The following PRLR variants were observed in gnomAD, a reference collection of about 807,000 sequenced individuals.
PRLR encodes the protein prolactin receptor, also known as hPRL receptor.
PRLR carries 13 observed loss-of-function variants against 40.2 expected under a neutral mutation model. That is an observed-to-expected ratio of 0.32 (90% CI 0.21 to 0.51). PRLR has a LOEUF of 0.51. Ranked by LOEUF, PRLR falls within the 20% of genes least tolerant of loss-of-function variation. The pLI is 0.97. For synonymous variants in PRLR, 269 were observed against 278.7 expected (o/e 0.97, Z 0.35); for missense variants, 656 against 747.3 (o/e 0.88, Z 1.42).
intron 1 of PRLR, among the ~76,000 whole-genome samples, chr5:35,125,619 A>C (rs898771510): frequency 6.6e-6 from 1 of 152,228 alleles, no homozygotes; most frequent in Admixed American, 6.5e-5. Context: ...TAAGCATTTG[A>C]AGCCACTAAT....
At chr5:35,226,810 C>T (rs923454155) in intron 1 of PRLR, among the ~76,000 whole-genome samples, 3 of 152,124 alleles carry the variant, frequency 2.0e-5, no homozygotes, top group South Asian at 2.1e-4. Flanking sequence ...TTTGTTCACC[C>T]GACTGTTTTC....
rs148887341 is a variant in PRLR, at chr5:35,188,937, G to T, written c.-106+41331C>A. Among the ~76,000 whole-genome samples the T allele has an allele frequency of 3.3e-5, 5 of 152,146 alleles. No individual in the cohort carries two copies. In the South Asian group the frequency reaches 8.3e-4, roughly 25 times the overall value. On this transcript the variant is annotated intron_variant, in intron 1 of 9. Coordinates refer to ENST00000618457, the MANE Select transcript of PRLR (RefSeq NM_000949.7). Reference sequence around the variant, plus strand: ...GTGCCCTCCCACCCCAAATTCATACGTTGAAATCCCAACACCCAGGACCTC... The same window carrying T: ...GTGCCCTCCCACCCCAAATTCATACTTTGAAATCCCAACACCCAGGACCTC...
chr5:35,068,980 T>A (rs1769578533), intron 7 of PRLR, 102 bp from the exon 8 acceptor site: 1 of 799,120 alleles, frequency 1.3e-6, no homozygotes, highest in Non-Finnish European at 2.0e-6. Flanking sequence ...TTTTCCTCCA[T>A]TCATATATTT....
At chr5:35,123,282 T>C (rs1056825052) in intron 1 of PRLR, among the ~76,000 whole-genome samples, 8 of 152,238 alleles carry the variant, frequency 5.3e-5, no homozygotes, top group Non-Finnish European at 1.2e-4. Context: ...TTAGTTAACA[T>C]TTATTGGCTG....
intron 1 of PRLR, among the ~76,000 whole-genome samples, chr5:35,221,596 G>A (rs1776421117): frequency 6.6e-6 from 1 of 152,216 alleles, no homozygotes; most frequent in Non-Finnish European, 1.5e-5. Flanking sequence ...CTGACCAGTA[G>A]TAGCTCTTAG....
At chr5:35,081,832 A>G in intron 5 of PRLR, 1 of 155,342 alleles carries the variant, frequency 6.4e-6, no homozygotes, top group Non-Finnish European at 1.4e-5. Flanking sequence ...GGGCTACACT[A>G]AGCACCAGGC....
At chr5:35,122,857 C>T (rs1381510262) in intron 1 of PRLR, among the ~76,000 whole-genome samples, 1 of 152,078 alleles carries the variant, frequency 6.6e-6, no homozygotes, top group African/African-American at 2.4e-5. Context: ...ACCAGGGTGG[C>T]TGAGAGTGGA....
chr5:35,133,605 C>A (rs1257551479), intron 1 of PRLR, among the ~76,000 whole-genome samples: 1 of 152,212 alleles, frequency 6.6e-6, no homozygotes, highest in Non-Finnish European at 1.5e-5. Flanking sequence ...TAGAGACCAA[C>A]TAGCTTGAAT....
Position 35,062,213 on chromosome 5 carries a change from A to G in PRLR, c.*2876T>C, listed in dbSNP as rs935825955. The G allele has an allele frequency of 6.6e-6, 1 of 152,194 alleles. No individual in the cohort carries two copies. Among genetic ancestry groups the G allele is most frequent in the Non-Finnish European group, 1.5e-5 (1 of 68,046 alleles). The allele number at this position is 152,194 out of a possible 1,614,324, so 9.4% of individuals were successfully genotyped here. A position where few individuals can be genotyped will look rare whatever the true frequency, so the allele number is the denominator to read the frequency against. On this transcript the variant is annotated 3_prime_UTR_variant, in exon 10 of 10. Coordinates refer to ENST00000618457, the MANE Select transcript of PRLR (RefSeq NM_000949.7). ...ATTAGGATAGAAGGCATTGGTTGGG[A>G]TTATCTTTGCAGAAAAATATTCAGT...
intron 1 of PRLR, among the ~76,000 whole-genome samples, chr5:35,119,687 G>T (rs148679436): frequency 2.0e-5 from 3 of 152,150 alleles, no homozygotes. Flanking sequence ...AGAACTTAAA[G>T]TTCTCTCTTT....
chr5:35,051,412 G>A (rs1246388537), downstream of PRLR, among the ~76,000 whole-genome samples: 3 of 152,266 alleles, frequency 2.0e-5, no homozygotes, highest in Non-Finnish European at 4.4e-5. Context: ...TTTGAGCATA[G>A]GCCCTTCTCT....
intron 1 of PRLR, among the ~76,000 whole-genome samples, chr5:35,203,580 G>C (rs545765089): frequency 1.3e-5 from 2 of 152,236 alleles, no homozygotes; most frequent in East Asian, 3.9e-4. Context: ...CTGAAGGAGA[G>C]GGGTAGAGAA....
At chr5:35,113,408 TCC>T (rs1772805142) in intron 2 of PRLR, among the ~76,000 whole-genome samples, 1 of 138,696 alleles carries the variant, frequency 7.2e-6, no homozygotes, top group Non-Finnish European at 1.6e-5. Context: ...CATCCATCCA[TCC>T]ATCCATCCAT....
chr5:35,091,613 AGAGACGGTG>A (rs989570169), intron 2 of PRLR, among the ~76,000 whole-genome samples: 1 of 152,132 alleles, frequency 6.6e-6, no homozygotes, highest in African/African-American at 2.4e-5. Context: ...CCTCTGTGGG[AGAGACGGTG>A]GAGACAACAG....
Position 35,107,707 on chromosome 5 carries a change from C to G in PRLR, c.-44+10354G>C, listed in dbSNP as rs1320413373. Among the ~76,000 whole-genome samples the G allele has an allele frequency of 2.0e-5, 3 of 152,290 alleles. No individual in the cohort carries two copies. The East Asian group carries it at 5.8e-4, about 29-fold the overall frequency. On this transcript the variant is annotated intron_variant, in intron 2 of 9. Transcript: ENST00000618457. ...GTCGAATCCCTGAATAGACCAATAACAGGCTCTGAAATCGAGGCAATAATT... is the reference window on the plus strand; with the variant it reads ...GTCGAATCCCTGAATAGACCAATAAGAGGCTCTGAAATCGAGGCAATAATT...
chr5:35,153,483 TG>T (rs1774396977), intron 1 of PRLR, among the ~76,000 whole-genome samples: 1 of 152,186 alleles, frequency 6.6e-6, no homozygotes, highest in Non-Finnish European at 1.5e-5. Context: ...AAAAGCCATA[TG>T]TAAAACTGGC....
intron 9 of PRLR, 68 bp downstream of exon 9, chr5:35,068,148 G>T: frequency 7.2e-7 from 1 of 1,380,872 alleles, no homozygotes; most frequent in Non-Finnish European, 1.0e-6. Context: ...GGGACTGTGT[G>T]TGAGTGTGTA....
At position 35,123,654 on chromosome 5, in the gene PRLR, G is replaced by A. The variant is rs765185987; in HGVS notation, c.-105-5532C>T. On this transcript the variant is annotated intron_variant, in intron 1 of 9. Transcript: ENST00000618457. The stretch of plus-strand genomic sequence containing the variant: ...TCTGTTTCTAACTCTAACTGGTCCC[G>A]TGGTCCTTGGAAAAGTCAGGCTGCT... Among the ~76,000 whole-genome samples the A allele has an allele frequency of 3.3e-5, 5 of 152,278 alleles. 1 individual carries two copies. The South Asian group carries it at 6.2e-4, about 19-fold the overall frequency.
At chr5:35,178,574 A>G (rs1775209316) in intron 1 of PRLR, among the ~76,000 whole-genome samples, 1 of 152,220 alleles carries the variant, frequency 6.6e-6, no homozygotes, top group Admixed American at 6.5e-5. Context: ...AATGTAATGA[A>G]CAGATGAAAA....
Sources: gnomAD v4.1 joint callset for allele counts (sites outside exome capture counted in the v4.1 genomes callset) on GRCh38, gnomAD v4.1.1 for gene constraint, MANE v1.5 for transcripts, NCBI Gene and HGNC (gene_info 2026-07-23, HGNC 2026-07-21) for gene names.